GLIPR1L2: variants seen among roughly 807,000 people sequenced by gnomAD.
The protein encoded by GLIPR1L2 is GLIPR1-like protein 2.
A neutral mutation model predicts 28.4 loss-of-function variants in GLIPR1L2; 21 were observed. The ratio of observed to expected loss-of-function variants is 0.74; its 90% confidence interval spans 0.52 to 1.06. The LOEUF is 1.06. GLIPR1L2 is among the 50% of genes least tolerant of loss of function. The probability of loss-of-function intolerance (pLI) is 0.00; values close to 1 mark genes in which losing one functional copy is unlikely to be tolerated. For synonymous variants in GLIPR1L2, 145 were observed against 139.3 expected (o/e 1.04, Z -0.29); for missense variants, 476 against 416.9 (o/e 1.14, Z -1.23).
intron 4 of GLIPR1L2, 104 bp downstream of exon 4, chr12:75,423,093 T>C (rs2139961143): frequency 6.3e-7 from 1 of 1,590,122 alleles, no homozygotes; most frequent in Non-Finnish European, 8.5e-7. Context: ...ATTATTCCTT[T>C]GATCAGAATG....
chr12:75,410,815 C>A, intron 2 of GLIPR1L2, 136 bp downstream of exon 2: 1 of 643,162 alleles, frequency 1.6e-6, no homozygotes, highest in Non-Finnish European at 2.5e-6. Flanking sequence ...TTTAATCAAT[C>A]TTCCTAGTCT....
chr12:75,391,791 C>A (rs960374639), intron 1 of GLIPR1L2, among the ~76,000 whole-genome samples: 1 of 152,158 alleles, frequency 6.6e-6, no homozygotes, highest in South Asian at 2.1e-4. Flanking sequence ...AGATGAGATT[C>A]TGTTTGTATT....
chr12:75,413,452 C>G (rs891111753), intron 2 of GLIPR1L2, 146 bp from the exon 3 acceptor site: 4 of 504,864 alleles, frequency 7.9e-6, no homozygotes, highest in Non-Finnish European at 1.4e-5. Flanking sequence ...CTTGGTAACT[C>G]TCTACATGTC....
intron 1 of GLIPR1L2, among the ~76,000 whole-genome samples, chr12:75,396,065 T>C (rs909271912): frequency 1.3e-5 from 2 of 152,228 alleles, no homozygotes; most frequent in African/African-American, 4.8e-5. Context: ...TAAGTTTAAA[T>C]AGTTGTGTTT....
rs753639841 is a variant in GLIPR1L2, at chr12:75,397,346, AT to A, written c.234+5998del. On this transcript the variant is annotated intron_variant, in intron 1 of 5. Coordinates refer to ENST00000550916, the MANE Select transcript of GLIPR1L2 (RefSeq NM_001270396.2). ...CACTCATTTAATCATTTTAAACATA[AT>A]TATTTTATATTTTCATAAAATATTT... Among the ~76,000 whole-genome samples the A allele has an allele frequency of 3.7e-4, 56 of 151,936 alleles. 1 individual carries two copies. The highest frequency in any genetic ancestry group is 3.4e-3 in the Middle Eastern group (1 of 294).
In GLIPR1L2 at chr12:75,391,348, A is replaced by G. The variant is rs745972832; in HGVS notation, c.232A>G (p.Met78Val). ...VIPRGSNLRFMTWDVALSRTA... is the reference protein window; with the variant it reads ...VIPRGSNLRFVTWDVALSRTA... ...TCCCCGAGGGTCTAACTTGCGCTTC[A>G]TGGTGAGGCCGGAAGGCGGTTTGCC... Residue 78 changes from methionine (M) to valine (V), a missense_variant and splice_region_variant, in exon 1 of 6, where the codon ATG (methionine) becomes GTG (valine). Met to Val is a conservative substitution (Grantham distance 21, BLOSUM62 1). Coordinates refer to ENST00000550916, the MANE Select transcript of GLIPR1L2 (RefSeq NM_001270396.2). 4 of 1,613,606 alleles carry G rather than the reference A, an allele frequency of 2.5e-6. No homozygotes were observed. Among genetic ancestry groups the G allele is most frequent in the East Asian group, 4.5e-5 (2 of 44,878 alleles).
At chr12:75,396,035 C>G (rs1419007462) in intron 1 of GLIPR1L2, among the ~76,000 whole-genome samples, 1 of 152,004 alleles carries the variant, frequency 6.6e-6, no homozygotes, top group African/African-American at 2.4e-5. Context: ...CCTCTTAGCT[C>G]TGTTTTTTGC....
Position 75,391,313 on chromosome 12 carries a change from G to A in GLIPR1L2, c.197G>A (p.Gly66Asp). The A allele has an allele frequency of 6.2e-7, 1 of 1,614,194 alleles. No homozygotes were observed. The highest frequency in any genetic ancestry group is 2.2e-5 in the East Asian group (1 of 44,876). Residue 66 changes from glycine (G) to aspartate (D), a missense_variant, in exon 1 of 6, where the codon GGC becomes GAC. By Grantham distance (94) the Gly-to-Asp change is moderately conservative (BLOSUM62 -1). Coordinates refer to ENST00000550916, the MANE Select transcript of GLIPR1L2 (RefSeq NM_001270396.2). Reference protein sequence around the residue: ...EYVNLHNELRGDVIPRGSNLR... With the variant: ...EYVNLHNELRDDVIPRGSNLR... ...GTGAACCTCCACAATGAGCTGCGGG[G>A]CGACGTCATTCCCCGAGGGTCTAAC...
chr12:75,427,712 G>A (rs1455744683), intron 4 of GLIPR1L2, among the ~76,000 whole-genome samples: 1 of 152,172 alleles, frequency 6.6e-6, no homozygotes. Flanking sequence ...CCTGGTGGGA[G>A]GTAATTAGAT....
chr12:75,422,191 G>A (rs1443634155), intron 3 of GLIPR1L2, among the ~76,000 whole-genome samples: 4 of 151,330 alleles, frequency 2.6e-5, no homozygotes, highest in African/African-American at 9.7e-5. Flanking sequence ...ACGAGGTCTT[G>A]CTATGTTACC....
In GLIPR1L2 at chr12:75,432,189, C is replaced by T; in HGVS notation, c.*1028C>T. Reference sequence around the variant, plus strand: ...CCTTATATGGCAAAATAATAAATACCTTTTATTACTCAATTTTAAAATAGG... The same window carrying T: ...CCTTATATGGCAAAATAATAAATACTTTTTATTACTCAATTTTAAAATAGG... On this transcript the variant is annotated 3_prime_UTR_variant, in exon 6 of 6. Coordinates refer to ENST00000550916, the MANE Select transcript of GLIPR1L2 (RefSeq NM_001270396.2). 6.6e-6 allele frequency: 1 copy of T among 152,034 alleles called. No homozygotes were observed. The allele number at this position is 152,034 out of a possible 1,614,324, so 9.4% of individuals were successfully genotyped here. A position where few individuals can be genotyped will look rare whatever the true frequency, so the allele number is the denominator to read the frequency against.
In GLIPR1L2 at chr12:75,431,674, G is replaced by T. The variant is rs2046094050; in HGVS notation, c.*513G>T. ...GTATCTAATATTATTATTTGTCTTT[G>T]TGGTTTTTGGAATAGTTTAAGTGGT... On this transcript the variant is annotated 3_prime_UTR_variant, in exon 6 of 6. Coordinates refer to ENST00000550916, the MANE Select transcript of GLIPR1L2 (RefSeq NM_001270396.2). 6.6e-6 allele frequency: 1 copy of T among 152,074 alleles called. No homozygotes were observed. The allele number at this position is 152,074 out of a possible 1,614,324, so 9.4% of individuals were successfully genotyped here.
chr12:75,424,111 T>A (rs1175883765), intron 4 of GLIPR1L2: 2 of 152,210 alleles, frequency 1.3e-5, no homozygotes, highest in African/African-American at 4.8e-5. Context: ...CCAAATAGTA[T>A]TTTTGGTTCA....
At chr12:75,430,052 C>T (rs2046076345) in intron 4 of GLIPR1L2, among the ~76,000 whole-genome samples, 1 of 151,042 alleles carries the variant, frequency 6.6e-6, no homozygotes, top group Non-Finnish European at 1.5e-5. Context: ...TATCCTGCCT[C>T]AGCCTCCCAA....
At position 75,410,511 on chromosome 12, in the gene GLIPR1L2, A is replaced by G. The variant is rs1344441691; in HGVS notation, c.312A>G (p.Gln104=). The G allele has an allele frequency of 2.5e-6, 4 of 1,611,788 alleles. No homozygotes were observed. The highest frequency in any genetic ancestry group is 2.2e-5 in the East Asian group (1 of 44,780). Residue 104 remains glutamine (Q), a synonymous_variant, in exon 2 of 6, where the codon CAA becomes CAG. Coordinates refer to ENST00000550916, the MANE Select transcript of GLIPR1L2 (RefSeq NM_001270396.2). The part of the protein sequence containing the change: ...KCLFTHNIYL[Q]DVQMVHPKFY... ...TGTTTACGCATAATATTTATTTACAAGATGTACAAATGGTCCATCCTAAAT... is the reference window on the plus strand; with the variant it reads ...TGTTTACGCATAATATTTATTTACAGGATGTACAAATGGTCCATCCTAAAT...
At chr12:75,398,526 A>G (rs961146587) in intron 1 of GLIPR1L2, among the ~76,000 whole-genome samples, 1 of 152,006 alleles carries the variant, frequency 6.6e-6, no homozygotes, top group African/African-American at 2.4e-5. Context: ...ACTTTCTTAC[A>G]TTCTTGGATG....
In GLIPR1L2 at chr12:75,431,929, A is replaced by C. The variant is rs1193424505; in HGVS notation, c.*768A>C. On this transcript the variant is annotated 3_prime_UTR_variant, in exon 6 of 6. Coordinates refer to ENST00000550916, the MANE Select transcript of GLIPR1L2 (RefSeq NM_001270396.2). ...TATAGTAAAAGTTAACAGATTAATAAGATAACTGCTTACCACTAGTAATAC... is the reference window on the plus strand; with the variant it reads ...TATAGTAAAAGTTAACAGATTAATACGATAACTGCTTACCACTAGTAATAC... 1 of 152,130 alleles carries C rather than the reference A, an allele frequency of 6.6e-6. No individual in the cohort carries two copies. The highest frequency in any genetic ancestry group is 1.5e-5 in the Non-Finnish European group (1 of 67,952). 9.4% of individuals were successfully genotyped at this position (152,130 alleles called of 1,614,324 possible).
chr12:75,410,395 A>C (rs771782553), intron 1 of GLIPR1L2, 39 bp from the exon 2 acceptor site: 412 of 1,445,400 alleles, frequency 2.9e-4, no homozygotes, highest in Non-Finnish European at 3.6e-4. Context: ...TACAAAAAAA[A>C]ACTTATTTTG....
intron 3 of GLIPR1L2, 102 bp from the exon 4 acceptor site, chr12:75,422,802 C>A: frequency 1.1e-6 from 1 of 911,076 alleles, no homozygotes; most frequent in Non-Finnish European, 1.7e-6. Flanking sequence ...TTTCTTAACC[C>A]GCCTTTTTAA....
Sources: gnomAD v4.1 joint callset for allele counts (sites outside exome capture counted in the v4.1 genomes callset) on GRCh38, gnomAD v4.1.1 for gene constraint, MANE v1.5 for transcripts, NCBI Gene and HGNC (gene_info 2026-07-23, HGNC 2026-07-21) for gene names.